Variants in GPR89A observed in about 807,000 individuals in gnomAD.
The protein encoded by GPR89A is golgi pH regulator A, also known as G protein-coupled receptor 89A.
GPR89A carries 16 observed loss-of-function variants against 52.0 expected under a neutral mutation model. The ratio of observed to expected loss-of-function variants is 0.31; its 90% CI spans 0.21 to 0.47. The LOEUF is 0.47. Among genes scored for constraint, GPR89A ranks in the 20% least tolerant of loss-of-function variants. GPR89A has a pLI of 1.00. For missense variants in GPR89A, 135 were observed against 449.4 expected, an observed-to-expected ratio of 0.30 and a Z score of 6.33; for synonymous variants, 55 against 150.9, an observed-to-expected ratio of 0.36 and a Z score of 4.66.
At chr1:145,611,473 T>A (rs1202422284) in intron 1 of GPR89A, 1 of 152,172 alleles carries the variant, frequency 6.6e-6, no homozygotes, top group Non-Finnish European at 1.5e-5. Flanking sequence ...ATTAATTTGC[T>A]TAGGATGATG....
intron 12 of GPR89A, among the ~76,000 whole-genome samples, chr1:145,667,810 A>G (rs1652676427): frequency 6.6e-6 from 1 of 152,058 alleles, no homozygotes; most frequent in South Asian, 2.1e-4. Flanking sequence ...TTTTCCCAGC[A>G]CCATTTGTTA....
intron 7 of GPR89A, among the ~76,000 whole-genome samples, chr1:145,641,409 A>G (rs1650645845): frequency 6.6e-6 from 1 of 151,812 alleles, no homozygotes; most frequent in African/African-American, 2.4e-5. Context: ...AGTGATGGAA[A>G]TGTCCCGTAT....
chr1:145,654,416 G>A (rs1163233940), intron 10 of GPR89A, among the ~76,000 whole-genome samples: 7 of 151,956 alleles, frequency 4.6e-5, no homozygotes, highest in Non-Finnish European at 7.4e-5. Flanking sequence ...AGCCAGGCAT[G>A]GTGGCAGGCG....
chr1:145,613,680 A>AT (rs1553686531), intron 1 of GPR89A, among the ~76,000 whole-genome samples: 1 of 150,006 alleles, frequency 6.7e-6, no homozygotes, highest in African/African-American at 2.5e-5. Context: ...AGTTCCCGGC[A>AT]TATACCATGC....
intron 10 of GPR89A, among the ~76,000 whole-genome samples, chr1:145,656,901 G>C (rs587640134): frequency 6.6e-6 from 1 of 151,820 alleles, no homozygotes; most frequent in Admixed American, 6.6e-5. Context: ...TCATGAAAAG[G>C]TGTTGGATTT....
At chr1:145,619,336 A>G (rs1404746587) in intron 3 of GPR89A, among the ~76,000 whole-genome samples, 1 of 151,332 alleles carries the variant, frequency 6.6e-6, no homozygotes, top group Admixed American at 6.6e-5. Flanking sequence ...GGGGCCAGAC[A>G]TAGTGGCTCA....
intron 7 of GPR89A, among the ~76,000 whole-genome samples, chr1:145,639,766 G>GA (rs1650509197): frequency 1.4e-5 from 2 of 138,292 alleles, no homozygotes; most frequent in African/African-American, 5.4e-5. Context: ...AAAAAGAAAA[G>GA]AAAAGAAATA....
intron 7 of GPR89A, among the ~76,000 whole-genome samples, chr1:145,642,486 A>G (rs1553691871): frequency 1.3e-5 from 2 of 151,820 alleles, no homozygotes; most frequent in South Asian, 2.1e-4. Flanking sequence ...TGTTTCATTC[A>G]CTCAGTATCC....
At chr1:145,658,238 G>A (rs1397626260) in intron 10 of GPR89A, among the ~76,000 whole-genome samples, 1 of 151,046 alleles carries the variant, frequency 6.6e-6, no homozygotes, top group African/African-American at 2.4e-5. Context: ...TCACTATATT[G>A]CCCAGGCTGA....
chr1:145,619,303 T>TAA (rs1190730355), intron 3 of GPR89A, among the ~76,000 whole-genome samples: 4,210 of 18,592 alleles, frequency 0.23, 206 homozygotes, highest in African/African-American at 0.33. Flanking sequence ...ATTGAAAGGT[T>TAA]AAAAAAAAAA....
At chr1:145,658,050 A>G (rs1430924222) in intron 10 of GPR89A, among the ~76,000 whole-genome samples, 2 of 151,528 alleles carry the variant, frequency 1.3e-5, no homozygotes, top group African/African-American at 4.8e-5. Flanking sequence ...GCCCTTAGCA[A>G]CCACTAATCT....
chr1:145,657,732 G>A (rs1256942248), intron 10 of GPR89A, among the ~76,000 whole-genome samples: 2 of 148,978 alleles, frequency 1.3e-5, no homozygotes, highest in Non-Finnish European at 3.0e-5. Flanking sequence ...TGGGTCTCAA[G>A]GAATTTGTCT....
intron 3 of GPR89A, among the ~76,000 whole-genome samples, chr1:145,622,776 G>A (rs1453304639): frequency 4.1e-5 from 6 of 146,412 alleles, no homozygotes; most frequent in Non-Finnish European, 7.6e-5. Flanking sequence ...GTTGATACAT[G>A]TTAATGGTAT....
At chr1:145,622,973 A>G in intron 3 of GPR89A, 81 bp from the exon 4 acceptor site, 1 of 1,595,954 alleles carries the variant, frequency 6.3e-7, no homozygotes, top group Admixed American at 1.7e-5. Context: ...CAAAGAGCAA[A>G]AGGACCCTTT....
At chr1:145,614,032 C>T (rs1172182846) in intron 1 of GPR89A, among the ~76,000 whole-genome samples, 1 of 152,048 alleles carries the variant, frequency 6.6e-6, no homozygotes, top group African/African-American at 2.4e-5. Flanking sequence ...AGCGATCTAC[C>T]CAAAGTGCTG....
chr1:145,643,268 C>A (rs1316331650), intron 7 of GPR89A, among the ~76,000 whole-genome samples: 8 of 151,446 alleles, frequency 5.3e-5, no homozygotes, highest in African/African-American at 1.9e-4. Context: ...TAGGTTCAAG[C>A]GATTCTCCTG....
intron 7 of GPR89A, among the ~76,000 whole-genome samples, chr1:145,643,211 G>C (rs369364626): frequency 2.6e-5 from 4 of 151,904 alleles, no homozygotes; most frequent in African/African-American, 9.7e-5. Flanking sequence ...TGTCACCTGG[G>C]CTGGCGTGCA....
rs1258635645 is a variant in GPR89A, at chr1:145,608,113, G to T, written c.-21G>T. ...CTCGGGGAGTGGGAAGTGGAGGCAG[G>T]AGCCTTCCTTACACTTCGCCATGAG... On this transcript the variant is annotated 5_prime_UTR_variant, in exon 1 of 14. Transcript: ENST00000313835. The T allele has an allele frequency of 1.2e-6, 2 of 1,613,702 alleles. No individual in the cohort carries two copies. The highest frequency in any genetic ancestry group is 1.7e-6 in the Non-Finnish European group (2 of 1,179,832).
chr1:145,615,431 C>A (rs1485101117), intron 1 of GPR89A, among the ~76,000 whole-genome samples: 1 of 151,854 alleles, frequency 6.6e-6, no homozygotes, highest in Non-Finnish European at 1.5e-5. Flanking sequence ...GCAGCCTCAA[C>A]TTCCTAGGCT....
Sources: allele counts gnomAD v4.1 joint callset (sites outside exome capture counted in the v4.1 genomes callset), GRCh38; gene constraint gnomAD v4.1.1; transcripts MANE v1.5; gene names NCBI Gene and HGNC (gene_info 2026-07-23, HGNC 2026-07-21).